IQCJ: variants seen among roughly 807,000 people sequenced by gnomAD.
IQCJ encodes IQ domain-containing protein J.
IQCJ carries 9 observed loss-of-function variants against 11.0 expected under a neutral mutation model. The ratio of observed to expected loss-of-function variants is 0.82; its 90% CI spans 0.49 to 1.43. IQCJ has a LOEUF of 1.43. Ranked by LOEUF, IQCJ falls within the 40% of genes most tolerant of loss-of-function variation. The probability of loss-of-function intolerance (pLI) is 0.00; values close to 1 mark genes in which losing one functional copy is unlikely to be tolerated. For missense variants in IQCJ, 146 were observed against 133.2 expected, an observed-to-expected ratio of 1.10 and a Z score of -0.47; for synonymous variants, 55 against 51.3, an observed-to-expected ratio of 1.07 and a Z score of -0.31.
intron 1 of IQCJ, among the ~76,000 whole-genome samples, chr3:159,136,373 G>A (rs1231251953): frequency 1.3e-5 from 2 of 152,138 alleles, no homozygotes; most frequent in Non-Finnish European, 2.9e-5. Flanking sequence ...TGTTCCTCAG[G>A]CCACATCTGG....
chr3:159,128,944 T>G (rs1182357039), intron 1 of IQCJ, among the ~76,000 whole-genome samples: 1 of 152,184 alleles, frequency 6.6e-6, no homozygotes, highest in Non-Finnish European at 1.5e-5. Flanking sequence ...ATCCTGTTTC[T>G]TCAGAACTCT....
intron 1 of IQCJ, among the ~76,000 whole-genome samples, chr3:159,223,700 A>G (rs1445365006): frequency 6.6e-6 from 1 of 152,194 alleles, no homozygotes; most frequent in African/African-American, 2.4e-5. Flanking sequence ...GCAGTAATAC[A>G]TGTTGAGTAT....
intron 1 of IQCJ, among the ~76,000 whole-genome samples, chr3:159,213,557 A>G (rs539513498): frequency 2.6e-5 from 4 of 152,344 alleles, no homozygotes; most frequent in South Asian, 4.1e-4. Flanking sequence ...TATGTCAACA[A>G]TTGAACTTGT....
chr3:159,117,826 T>C (rs1295374227), intron 1 of IQCJ, among the ~76,000 whole-genome samples: 1 of 152,150 alleles, frequency 6.6e-6, no homozygotes, highest in Non-Finnish European at 1.5e-5. Flanking sequence ...TACCAGCTTA[T>C]TTAAAAGAAT....
At chr3:159,253,238 A>G (rs1727704639) in intron 3 of IQCJ, among the ~76,000 whole-genome samples, 1 of 151,664 alleles carries the variant, frequency 6.6e-6, no homozygotes, top group Non-Finnish European at 1.5e-5. Context: ...TTTTGGGAAA[A>G]TGTTTCTTCT....
intron 1 of IQCJ, among the ~76,000 whole-genome samples, chr3:159,218,564 A>T (rs1356292214): frequency 6.6e-6 from 1 of 152,122 alleles, no homozygotes; most frequent in Non-Finnish European, 1.5e-5. Flanking sequence ...ATGTCAGAAT[A>T]TGCCTGTGAT....
At chr3:159,225,238 C>A (rs368771965) in intron 1 of IQCJ, among the ~76,000 whole-genome samples, 1 of 152,072 alleles carries the variant, frequency 6.6e-6, no homozygotes, top group Non-Finnish European at 1.5e-5. Context: ...TTCATACACA[C>A]GAAGTGAATG....
At chr3:159,104,099 A>C (rs1461761571) in intron 1 of IQCJ, among the ~76,000 whole-genome samples, 3 of 152,200 alleles carry the variant, frequency 2.0e-5, no homozygotes, top group Admixed American at 2.0e-4. Flanking sequence ...CTGTGGCCTC[A>C]TGGGGATATC....
intron 1 of IQCJ, among the ~76,000 whole-genome samples, chr3:159,122,281 T>C (rs1027898576): frequency 1.3e-5 from 2 of 152,194 alleles, no homozygotes; most frequent in Admixed American, 1.3e-4. Flanking sequence ...CATTTAAGTT[T>C]AGTGGGGGGA....
intron 1 of IQCJ, among the ~76,000 whole-genome samples, chr3:159,143,167 C>T (rs1221933506): frequency 6.6e-6 from 1 of 152,080 alleles, no homozygotes; most frequent in African/African-American, 2.4e-5. Context: ...ATCACATAGC[C>T]AATGATGAAG....
At chr3:159,126,940 G>T (rs1719711447) in intron 1 of IQCJ, among the ~76,000 whole-genome samples, 1 of 152,188 alleles carries the variant, frequency 6.6e-6, no homozygotes, top group Admixed American at 6.5e-5. Flanking sequence ...GACATAGGTG[G>T]GTCAGCCGGT....
chr3:159,079,708 T>C (rs367655775), intron 1 of IQCJ, among the ~76,000 whole-genome samples: 7 of 152,114 alleles, frequency 4.6e-5, no homozygotes, highest in African/African-American at 1.7e-4. Flanking sequence ...CATCTTTCCA[T>C]GTCAATACAT....
At chr3:159,187,928 T>C (rs947853335) in intron 1 of IQCJ, among the ~76,000 whole-genome samples, 1 of 152,022 alleles carries the variant, frequency 6.6e-6, no homozygotes, top group South Asian at 2.1e-4. Flanking sequence ...GCTGGGTGGG[T>C]GGGACACTAT....
intron 1 of IQCJ, among the ~76,000 whole-genome samples, chr3:159,155,104 C>G (rs1721443115): frequency 6.6e-6 from 1 of 152,096 alleles, no homozygotes; most frequent in African/African-American, 2.4e-5. Context: ...CTTTGGTGAT[C>G]TTTGTTAAAT....
intron 1 of IQCJ, among the ~76,000 whole-genome samples, chr3:159,081,881 T>G (rs1716338303): frequency 6.6e-6 from 1 of 152,168 alleles, no homozygotes; most frequent in Non-Finnish European, 1.5e-5. Context: ...TTTCTGTCAT[T>G]AATAAATAAT....
chr3:159,091,017 T>C (rs1244059290), intron 1 of IQCJ, among the ~76,000 whole-genome samples: 2 of 151,874 alleles, frequency 1.3e-5, no homozygotes. Context: ...AAAGCATTAA[T>C]TGAGGAAGTT....
At chr3:159,115,118 G>A (rs576513209) in intron 1 of IQCJ, among the ~76,000 whole-genome samples, 3 of 152,314 alleles carry the variant, frequency 2.0e-5, no homozygotes, top group African/African-American at 7.2e-5. Flanking sequence ...GTATTAGTTT[G>A]AGTAGGAAAG....
chr3:159,259,287 T>C (rs759935232), intron 3 of IQCJ, among the ~76,000 whole-genome samples: 41 of 152,120 alleles, frequency 2.7e-4, no homozygotes, highest in Non-Finnish European at 4.3e-4. Flanking sequence ...TTGTTGAAAA[T>C]GTATTTGTCA....
At chr3:159,120,552 A>G (rs1215534370) in intron 1 of IQCJ, among the ~76,000 whole-genome samples, 1 of 152,236 alleles carries the variant, frequency 6.6e-6, no homozygotes, top group Non-Finnish European at 1.5e-5. Context: ...CTGGAAGCCC[A>G]GGAGTTTAGG....
Sources: allele counts gnomAD v4.1 joint callset (sites outside exome capture counted in the v4.1 genomes callset), GRCh38; gene constraint gnomAD v4.1.1; transcripts MANE v1.5; gene names NCBI Gene and HGNC (gene_info 2026-07-23, HGNC 2026-07-21).